DUXA: variants seen among roughly 807,000 people sequenced by gnomAD.
DUXA encodes the protein double homeobox A, also known as double homeobox protein A.
In DUXA, 25 loss-of-function variants were observed where a neutral mutation model predicts 27.5. That is an observed-to-expected ratio of 0.91 (90% confidence interval 0.66 to 1.27). The LOEUF (loss-of-function observed/expected upper bound fraction) is 1.27. DUXA is among the 50% of genes most tolerant of loss of function. DUXA has a pLI of 0.00. For synonymous variants in DUXA, 90 were observed against 80.5 expected (o/e 1.12, Z -0.63); for missense variants, 247 against 242.9 (o/e 1.02, Z -0.11).
chr19:57,164,168 A>T (rs562845901), intron 1 of DUXA, among the ~76,000 whole-genome samples: 41 of 152,340 alleles, frequency 2.7e-4, no homozygotes, highest in African/African-American at 9.1e-4. Flanking sequence ...ATACTAGCAA[A>T]CTGAATTCAA....
chr19:57,156,528 C>T (rs1454153408), intron 4 of DUXA, among the ~76,000 whole-genome samples: 3 of 151,878 alleles, frequency 2.0e-5, no homozygotes, highest in Non-Finnish European at 4.4e-5. Context: ...CAGCCTCTCG[C>T]GTAACTGGGA....
At position 57,167,427 on chromosome 19, in the gene DUXA, T is replaced by G. The variant is rs763645678; in HGVS notation, c.17A>C (p.Tyr6Ser). The G allele has an allele frequency of 8.1e-6, 13 of 1,613,570 alleles. No individual in the cohort carries two copies. The highest frequency in any genetic ancestry group is 6.7e-5 in the East Asian group (3 of 44,862). Residue 6 changes from tyrosine (Y) to serine (S), a missense_variant, in exon 1 of 6, where the codon TAT (tyrosine) becomes TCT (serine). Tyr to Ser is a moderately radical substitution (Grantham distance 144). Coordinates refer to ENST00000554048, the MANE Select transcript of DUXA (RefSeq NM_001012729.2). Reference sequence around the variant, plus strand: ...AGCACAAGGGAACTTACTGTGTGAATAGGTGTCTTCGGCCATGCTGGAAGA... The same window carrying G: ...AGCACAAGGGAACTTACTGTGTGAAGAGGTGTCTTCGGCCATGCTGGAAGA... The part of the protein sequence containing the change: MAEDT[Y>S]SHKMVKTNHR...
chr19:57,158,273 C>T (rs1038475060), intron 4 of DUXA, 55 bp downstream of exon 4: 26 of 1,595,402 alleles, frequency 1.6e-5, no homozygotes, highest in Non-Finnish European at 2.1e-5. Context: ...TGTGGCTTCC[C>T]TTCCTGTATA....
chr19:57,158,799 A>G (rs891926386), intron 3 of DUXA, among the ~76,000 whole-genome samples: 7 of 152,178 alleles, frequency 4.6e-5, no homozygotes, highest in African/African-American at 1.7e-4. Context: ...CCTGACCAAT[A>G]TGGCGAAACC....
At chr19:57,163,674 C>G (rs1051869449) in intron 1 of DUXA, among the ~76,000 whole-genome samples, 5 of 152,192 alleles carry the variant, frequency 3.3e-5, no homozygotes, top group Admixed American at 2.6e-4. Context: ...GATGATCCAC[C>G]CACCTCAGCC....
intron 1 of DUXA, 136 bp from the exon 2 acceptor site, chr19:57,160,933 A>T (rs2087017844): frequency 1.0e-6 from 1 of 973,132 alleles, no homozygotes; most frequent in Non-Finnish European, 1.5e-6. Context: ...TCATACAAGT[A>T]TGGAGCTCTT....
Position 57,155,331 on chromosome 19 carries a change from T to G in DUXA, c.480A>C (p.Arg160Ser). ...CTAAGGACGCCACAGGTTCCCTTTTTCTCTGGAGAAGTAATCTAGATCTTC... is the reference window on the plus strand; with the variant it reads ...CTAAGGACGCCACAGGTTCCCTTTTGCTCTGGAGAAGTAATCTAGATCTTC... The part of the protein sequence containing the change: ...QNRRSRLLLQ[R>S]KREPVASLEQ... Residue 160 changes from arginine (R) to serine (S), a missense_variant, in exon 5 of 6, where the codon AGA becomes AGC. Transcript: ENST00000554048. The G allele has an allele frequency of 6.2e-7, 1 of 1,614,218 alleles. No individual in the cohort carries two copies. Among genetic ancestry groups the G allele is most frequent in the Non-Finnish European group, 8.5e-7 (1 of 1,180,036 alleles).
Position 57,159,381 on chromosome 19 carries a change from G to T in DUXA, c.181-103C>A, listed in dbSNP as rs999065477. 5.1e-6 allele frequency: 5 copies of T among 987,678 alleles called. No homozygotes were observed. The African/African-American group carries it at 6.5e-5, about 13-fold the overall frequency. The allele number at this position is 987,678 out of a possible 1,614,324, so 61.2% of individuals were successfully genotyped here. A position where few individuals can be genotyped will look rare whatever the true frequency, so the allele number is the denominator to read the frequency against. On this transcript the variant is annotated intron_variant, in intron 2 of 5. Coordinates refer to ENST00000554048, the MANE Select transcript of DUXA (RefSeq NM_001012729.2). ...CAATTCTTATTGGGCCTAGGCCCAG[G>T]ATTATTACTTACTTCTGTCACATTC... is the stretch of plus-strand genomic sequence containing the variant.
rs1194022300 is a variant in DUXA, at chr19:57,155,518, A to C, written c.439-146T>G. ...TGCCACAGCTGTGCATCATCACCTT[A>C]GGCTAACTTTTAAACTTTTTGTAGA... On this transcript the variant is annotated intron_variant, in intron 4 of 5. Transcript: ENST00000554048. 11 of 644,528 alleles carry C rather than the reference A, an allele frequency of 1.7e-5. No individual in the cohort carries two copies. In the East Asian group the frequency reaches 3.1e-4, roughly 18 times the overall value. 39.9% of individuals were successfully genotyped at this position (644,528 alleles called of 1,614,324 possible).
chr19:57,165,669 G>C (rs1379212160), intron 1 of DUXA, among the ~76,000 whole-genome samples: 1 of 151,734 alleles, frequency 6.6e-6, no homozygotes, highest in Admixed American at 6.6e-5. Flanking sequence ...GCCAGGCGTG[G>C]TGGCGGGCGT....
At chr19:57,164,264 A>G (rs1386962971) in intron 1 of DUXA, among the ~76,000 whole-genome samples, 1 of 152,150 alleles carries the variant, frequency 6.6e-6, no homozygotes, top group Non-Finnish European at 1.5e-5. Flanking sequence ...ATATACACTT[A>G]CTATGCACCC....
chr19:57,159,151 T>C lies in DUXA; in HGVS notation c.292+16A>G. ...GAGAAGCTCTGCTGGGGAACAGAAC[T>C]AAGAGGGTTATTTACTTTGAAACTC... is the stretch of plus-strand genomic sequence containing the variant. On this transcript the variant is annotated intron_variant, in intron 3 of 5. Transcript: ENST00000554048. The C allele has an allele frequency of 6.2e-7, 1 of 1,607,700 alleles. No individual in the cohort carries two copies. Among genetic ancestry groups the C allele is most frequent in the Non-Finnish European group, 8.5e-7 (1 of 1,176,494 alleles).
At chr19:57,159,130 A>G in intron 3 of DUXA, 37 bp downstream of exon 3, 1 of 1,570,960 alleles carries the variant, frequency 6.4e-7, no homozygotes, top group South Asian at 1.1e-5. Flanking sequence ...GCCGTAGAGA[A>G]GCTCTGCTGG....
chr19:57,158,923 G>T (rs1274809723), intron 3 of DUXA, among the ~76,000 whole-genome samples: 1 of 152,170 alleles, frequency 6.6e-6, no homozygotes, highest in Non-Finnish European at 1.5e-5. Context: ...GGCAGAGGTT[G>T]TAGTGAGCCA....
chr19:57,165,629 C>A (rs1398628884), intron 1 of DUXA, among the ~76,000 whole-genome samples: 1 of 151,396 alleles, frequency 6.6e-6, no homozygotes, highest in Non-Finnish European at 1.5e-5. Flanking sequence ...CACAGTGAAA[C>A]CCCGTCTCTA....
intron 5 of DUXA, 123 bp downstream of exon 5, chr19:57,155,144 G>C: frequency 7.3e-6 from 6 of 818,032 alleles, no homozygotes; most frequent in Non-Finnish European, 1.0e-5. Context: ...CCATGGTACC[G>C]TGGAGCACTT....
intron 1 of DUXA, among the ~76,000 whole-genome samples, chr19:57,166,175 A>G (rs1429082349): frequency 6.6e-6 from 1 of 151,996 alleles, no homozygotes; most frequent in African/African-American, 2.4e-5. Context: ...AGAACATCTG[A>G]AAAAAAAGAA....
chr19:57,156,529 G>A (rs534649575), intron 4 of DUXA, among the ~76,000 whole-genome samples: 11 of 152,014 alleles, frequency 7.2e-5, no homozygotes, highest in Non-Finnish European at 1.5e-4. Context: ...AGCCTCTCGC[G>A]TAACTGGGAC....
rs529052062 is a variant in DUXA, at chr19:57,160,874, T to C, written c.26-77A>G. The C allele has an allele frequency of 1.2e-4, 190 of 1,522,930 alleles. 1 individual carries two copies. The African/African-American group carries it at 2.2e-3, about 17-fold the overall frequency. 94.3% of individuals were successfully genotyped at this position (1,522,930 alleles called of 1,614,324 possible). On this transcript the variant is annotated intron_variant, in intron 1 of 5. Transcript: ENST00000554048. ...CAAACTTCAGGTTCAAGCTAGTCTC[T>C]CACTTCCTCTTCCCAAATCCACTGG... is the stretch of plus-strand genomic sequence containing the variant.
Sources: allele counts gnomAD v4.1 joint callset (sites outside exome capture counted in the v4.1 genomes callset), GRCh38; gene constraint gnomAD v4.1.1; transcripts MANE v1.5; gene names NCBI Gene and HGNC (gene_info 2026-07-23, HGNC 2026-07-21).